Variants in PLCG1 observed in about 807,000 individuals in gnomAD.
PLCG1 encodes phospholipase C gamma 1, also known as 1-phosphatidylinositol 4,5-bisphosphate phosphodiesterase gamma-1.
A neutral mutation model predicts 177.8 loss-of-function variants in PLCG1; 71 were observed. The observed-to-expected ratio is 0.40, with a 90% CI of 0.33 to 0.49. PLCG1 has a LOEUF of 0.49. PLCG1 is among the 20% of genes least tolerant of loss of function. PLCG1 has a pLI of 0.72. For synonymous variants in PLCG1, 658 were observed against 647.9 expected (o/e 1.02, Z -0.24); for missense variants, 1,281 against 1,709.0 (o/e 0.75, Z 4.42).
In PLCG1 at chr20:41,168,896, G is replaced by A. The variant is rs368362871; in HGVS notation, c.2483+26G>A. ...GTAAGCCAGTGGTGTGGTAGGCCCA[G>A]AGTCCAAGGGCCCCAGTGGAGCTGG... On this transcript the variant is annotated intron_variant, in intron 21 of 31. Coordinates refer to ENST00000685551, the MANE Select transcript of PLCG1 (RefSeq NM_002660.3). 1.1e-5 allele frequency: 16 copies of A among 1,488,372 alleles called. No homozygotes were observed. In the African/African-American group the frequency reaches 1.9e-4, roughly 18 times the overall value. The allele number at this position is 1,488,372 out of a possible 1,614,324, so 92.2% of individuals were successfully genotyped here. A position where few individuals can be genotyped will look rare whatever the true frequency, so the allele number is the denominator to read the frequency against.
Position 41,167,565 on chromosome 20 carries a change from C to T in PLCG1, c.2302-287C>T, listed in dbSNP as rs1220098585. On this transcript the variant is annotated intron_variant, in intron 19 of 31. Transcript: ENST00000685551. The surrounding 1 kb of genome is among the most constrained non-coding windows in gnomAD (Gnocchi z 4.4). ...CTGAATATGGGTAGTCTGTGAAGGGCCCACCTGCACATAGCTCAGAAATAC... is the reference window on the plus strand; with the variant it reads ...CTGAATATGGGTAGTCTGTGAAGGGTCCACCTGCACATAGCTCAGAAATAC... The T allele has an allele frequency of 4.6e-6, 2 of 433,688 alleles. No homozygotes were observed. Among genetic ancestry groups the T allele is most frequent in the Admixed American group, 3.6e-5 (1 of 27,570 alleles). The allele number at this position is 433,688 out of a possible 1,614,324, so 26.9% of individuals were successfully genotyped here.
In PLCG1 at chr20:41,162,972, C is replaced by T. The variant is rs1440369197; in HGVS notation, c.696C>T (p.Phe232=). 2 of 1,614,120 alleles carry T rather than the reference C, an allele frequency of 1.2e-6. No individual in the cohort carries two copies. Residue 232 remains phenylalanine, a synonymous_variant, in exon 7 of 32, where the codon TTC becomes TTT. Coordinates refer to ENST00000685551, the MANE Select transcript of PLCG1 (RefSeq NM_002660.3). ...GTTTCCTGCAGATGGACCTCCCCTT[C>T]TTGGAAGCCAGTACTCTGAGGTTTG... The part of the protein sequence containing the change: ...YSAQKTMDLP[F]LEASTLRAGE...
At chr20:41,168,973 G>A (rs1468180975) in intron 21 of PLCG1, 103 bp downstream of exon 21, 4 of 1,157,214 alleles carry the variant, frequency 3.5e-6, no homozygotes, top group Middle Eastern at 2.5e-4. Flanking sequence ...TGCACCAGCA[G>A]TGCCTGCCTC....
chr20:41,168,010 C>T, intron 20 of PLCG1, 81 bp downstream of exon 20: 1 of 966,482 alleles, frequency 1.0e-6, no homozygotes, highest in Middle Eastern at 3.0e-4. Context: ...TCTGGGCCAT[C>T]TGTGGTCTTT....
intron 1 of PLCG1, among the ~76,000 whole-genome samples, chr20:41,140,101 G>A (rs1401808026): frequency 6.6e-6 from 1 of 152,184 alleles, no homozygotes; most frequent in African/African-American, 2.4e-5. Flanking sequence ...CCTACCCAGG[G>A]GTGAGCAGGT....
rs775064095 is a variant in PLCG1, at chr20:41,173,653, G to A, written c.3396G>A (p.Val1132=). The A allele has an allele frequency of 5.6e-6, 9 of 1,614,174 alleles. No homozygotes were observed. The South Asian group carries it at 9.9e-5, about 18-fold the overall frequency. ...DSTKQKTEFV[V]DNGLNPVWPA... is the part of the protein sequence containing the mutation. ...AGCCTTTTGTCGTTGCCTTCACAGT[G>A]GACAATGGACTCAACCCTGTATGGC... Residue 1132 remains valine (V), a splice_region_variant and synonymous_variant, in exon 29 of 32, where the codon GTG becomes GTA. Coordinates refer to ENST00000685551, the MANE Select transcript of PLCG1 (RefSeq NM_002660.3). The surrounding 1 kb of genome is among the most constrained non-coding windows in gnomAD (Gnocchi z 6.2).
chr20:41,163,428 C>T lies in PLCG1; in HGVS notation c.840C>T (p.Phe280=), dbSNP rs200581225. ...AGGTGCAGGAGTTCATGCTCAGCTT[C>T]CTCCGAGACCCCTTACGAGAGATCG... is the stretch of plus-strand genomic sequence containing the variant. ...RLQVQEFMLS[F]LRDPLREIEE... is the part of the protein sequence containing the mutation. Residue 280 remains phenylalanine (F), a synonymous_variant, in exon 9 of 32, where the codon TTC becomes TTT. Coordinates refer to ENST00000685551, the MANE Select transcript of PLCG1 (RefSeq NM_002660.3). The surrounding 1 kb of genome is among the most constrained non-coding windows in gnomAD (Gnocchi z 5.2). 13 of 1,613,122 alleles carry T rather than the reference C, an allele frequency of 8.1e-6. No homozygotes were observed. The highest frequency in any genetic ancestry group is 1.6e-4 in the Middle Eastern group (1 of 6,062).
rs2035426443 is a variant in PLCG1 at position 41,159,550 on chromosome 20, C to T, written c.218-56C>T. On this transcript the variant is annotated intron_variant, in intron 1 of 31. Transcript: ENST00000685551. This position sits in a 1 kb window ranked among gnomAD's most constrained non-coding sequence, Gnocchi z 6.0. ...TGAGGAAACCAGGCTGCCCTCCTTT[C>T]GGTGTTGACTCTGGGAGACCCCAGC... 7.0e-6 allele frequency: 11 copies of T among 1,581,164 alleles called. No homozygotes were observed. Among genetic ancestry groups the T allele is most frequent in the Non-Finnish European group, 8.6e-6 (10 of 1,159,116 alleles).
At chr20:41,171,633 G>A (rs983427553) in intron 24 of PLCG1, among the ~76,000 whole-genome samples, 52 of 150,426 alleles carry the variant, frequency 3.5e-4, no homozygotes, top group Non-Finnish European at 6.2e-4. Flanking sequence ...AGTCCTCCAG[G>A]AGAGGATGGG....
chr20:41,149,166 C>G (rs974792149), intron 1 of PLCG1, among the ~76,000 whole-genome samples: 2 of 152,240 alleles, frequency 1.3e-5, no homozygotes, highest in Non-Finnish European at 2.9e-5. Flanking sequence ...GTAACTACTT[C>G]ATCCTCTACT....
rs1163912393 is a variant in PLCG1, at chr20:41,173,647, C to G, written c.3395-5C>G. The G allele has an allele frequency of 6.2e-7, 1 of 1,614,070 alleles. No homozygotes were observed. The highest frequency in any genetic ancestry group is 1.3e-5 in the African/African-American group (1 of 74,922). ...ACCTGAAGCCTTTTGTCGTTGCCTTCACAGTGGACAATGGACTCAACCCTG... is the reference window on the plus strand; with the variant it reads ...ACCTGAAGCCTTTTGTCGTTGCCTTGACAGTGGACAATGGACTCAACCCTG... On this transcript the variant is annotated splice_region_variant and splice_polypyrimidine_tract_variant and intron_variant, in intron 28 of 31. Coordinates refer to ENST00000685551, the MANE Select transcript of PLCG1 (RefSeq NM_002660.3). The surrounding 1 kb of genome is among the most constrained non-coding windows in gnomAD (Gnocchi z 6.2).
At chr20:41,138,554 A>G (rs141169153) in intron 1 of PLCG1, among the ~76,000 whole-genome samples, 13 of 151,470 alleles carry the variant, frequency 8.6e-5, no homozygotes, top group Admixed American at 2.0e-4. Flanking sequence ...CAGACACTCA[A>G]TGCCAGGGCA....
Position 41,166,614 on chromosome 20 carries a change from G to C in PLCG1, c.2120+19G>C. 2 of 1,614,170 alleles carry C rather than the reference G, an allele frequency of 1.2e-6. No homozygotes were observed. The highest frequency in any genetic ancestry group is 3.3e-4 in the Middle Eastern group (2 of 6,062). ...CTTTCCGGTGAGGGGTGTGGCACTG[G>C]GTTGTGGGGCCTTGCTTGGGTCTGA... On this transcript the variant is annotated intron_variant, in intron 18 of 31. Coordinates refer to ENST00000685551, the MANE Select transcript of PLCG1 (RefSeq NM_002660.3). The surrounding 1 kb of genome is among the most constrained non-coding windows in gnomAD (Gnocchi z 8.6).
rs745488074 is a variant in PLCG1 at position 41,163,310 on chromosome 20, G to C, written c.789+35G>C. On this transcript the variant is annotated intron_variant, in intron 8 of 31. Transcript: ENST00000685551. The surrounding 1 kb of genome is among the most constrained non-coding windows in gnomAD (Gnocchi z 5.2). ...GGCTGACATTGGCCCAGGCTGGTAG[G>C]TTGTGGGGGGCTGGGCTCATCCCTG... The C allele has an allele frequency of 5.0e-6, 8 of 1,594,794 alleles. No individual in the cohort carries two copies. The South Asian group carries it at 7.8e-5, about 16-fold the overall frequency.
At position 41,163,562 on chromosome 20, in the gene PLCG1, G is replaced by A. The variant is rs2035584960; in HGVS notation, c.891+83G>A. On this transcript the variant is annotated intron_variant, in intron 9 of 31. Coordinates refer to ENST00000685551, the MANE Select transcript of PLCG1 (RefSeq NM_002660.3). This position sits in a 1 kb window ranked among gnomAD's most constrained non-coding sequence, Gnocchi z 5.2. The stretch of plus-strand genomic sequence containing the variant: ...CCCACCCGGGCTCCAGGAGCTAGAC[G>A]CTCCTTAGGGATGCCACCTTGTTTC... The A allele has an allele frequency of 1.4e-5, 16 of 1,133,478 alleles. No homozygotes were observed. The highest frequency in any genetic ancestry group is 2.0e-4 in the Middle Eastern group (1 of 4,920). The allele number at this position is 1,133,478 out of a possible 1,614,324, so 70.2% of individuals were successfully genotyped here. A position where few individuals can be genotyped will look rare whatever the true frequency, so the allele number is the denominator to read the frequency against.
chr20:41,168,909 C>T (rs774520129), intron 21 of PLCG1, 39 bp downstream of exon 21: 10 of 1,430,498 alleles, frequency 7.0e-6, no homozygotes, highest in Non-Finnish European at 9.8e-6. Context: ...TCCAAGGGCC[C>T]CAGTGGAGCT....
intron 1 of PLCG1, among the ~76,000 whole-genome samples, chr20:41,154,062 C>G (rs142233026): frequency 2.4e-4 from 36 of 152,338 alleles, no homozygotes; most frequent in Middle Eastern, 6.8e-3. Flanking sequence ...TCATTGGCAT[C>G]TCACTGTAGT....
rs958376331 is a variant in PLCG1 at position 41,156,124 on chromosome 20, G to A, written c.218-3482G>A. On this transcript the variant is annotated intron_variant, in intron 1 of 31. Transcript: ENST00000685551. The surrounding 1 kb of genome is among the most constrained non-coding windows in gnomAD (Gnocchi z 5.0). ...TGATATACAGTCCAGGCACAGGTGT[G>A]TGTGGTCCCTCATTACTTCAGAGCC... 3.9e-5 allele frequency among the ~76,000 whole-genome samples: 6 copies of A among 152,204 alleles called. No homozygotes were observed. Among genetic ancestry groups the A allele is most frequent in the African/African-American group, 1.4e-4 (6 of 41,456 alleles).
At position 41,173,730 on chromosome 20, in the gene PLCG1, G is replaced by A. The variant is rs141684852; in HGVS notation, c.3473G>A (p.Arg1158His). Reference sequence around the variant, plus strand: ...AGTAACCCTGAATTTGCCTTTCTGCGCTTCGTGGTGTATGAGGAAGACATG... The same window carrying A: ...AGTAACCCTGAATTTGCCTTTCTGCACTTCGTGGTGTATGAGGAAGACATG... The part of the protein sequence containing the change: ...QISNPEFAFL[R>H]FVVYEEDMFS... Residue 1158 changes from arginine to histidine, a missense_variant, in exon 29 of 32, where the codon CGC (arginine) becomes CAC (histidine). Transcript: ENST00000685551. The surrounding 1 kb of genome is among the most constrained non-coding windows in gnomAD (Gnocchi z 6.2). 4.8e-5 allele frequency: 78 copies of A among 1,614,106 alleles called. No individual in the cohort carries two copies. The highest frequency in any genetic ancestry group is 9.9e-5 in the South Asian group (9 of 91,086).
Sources: allele counts gnomAD v4.1 joint callset (sites outside exome capture counted in the v4.1 genomes callset), GRCh38; gene constraint gnomAD v4.1.1; non-coding constraint Gnocchi (gnomAD v3.1); transcripts MANE v1.5; gene names NCBI Gene and HGNC (gene_info 2026-07-23, HGNC 2026-07-21).